CYTH3: variants seen among roughly 807,000 people sequenced by gnomAD.
CYTH3 encodes cytohesin 3.
In CYTH3, 23 loss-of-function variants were observed where a neutral mutation model predicts 55.1. The observed-to-expected ratio is 0.42, with a 90% confidence interval of 0.30 to 0.59. CYTH3 has a LOEUF of 0.59. Among genes scored for constraint, CYTH3 ranks in the 20% least tolerant of loss-of-function variants. CYTH3 has a pLI of 0.20. For missense variants in CYTH3, 413 were observed against 524.8 expected (o/e 0.79, Z 2.08); for synonymous variants, 249 against 194.9 (o/e 1.28, Z -2.31).
chr7:6,252,748 T>G (rs1218438585), intron 1 of CYTH3, among the ~76,000 whole-genome samples: 3 of 152,240 alleles, frequency 2.0e-5, no homozygotes, highest in African/African-American at 7.2e-5. Flanking sequence ...TAAGGTTTAG[T>G]CTTCATCCAA....
intron 5 of CYTH3, among the ~76,000 whole-genome samples, chr7:6,176,118 G>A (rs1783343618): frequency 6.6e-6 from 1 of 151,866 alleles, no homozygotes; most frequent in African/African-American, 2.4e-5. Context: ...ATGTTTTGTG[G>A]TTTTTGGAGT....
chr7:6,167,829 C>T lies in CYTH3; in HGVS notation c.824-2019G>A, dbSNP rs1207787085. ...CAAAGGACCTGTATGTTCCACTAGCCCACACACCTGGCCCCGCCTGGGAGG... is the reference window on the plus strand; with the variant it reads ...CAAAGGACCTGTATGTTCCACTAGCTCACACACCTGGCCCCGCCTGGGAGG... On this transcript the variant is annotated intron_variant, in intron 9 of 12. Transcript: ENST00000350796. This position sits in a 1 kb window ranked among gnomAD's most constrained non-coding sequence, Gnocchi z 5.5. 2.0e-5 allele frequency among the ~76,000 whole-genome samples: 3 copies of T among 152,254 alleles called. No individual in the cohort carries two copies. Among genetic ancestry groups the T allele is most frequent in the African/African-American group, 7.2e-5 (3 of 41,470 alleles).
intron 4 of CYTH3, among the ~76,000 whole-genome samples, chr7:6,185,296 C>T (rs1392111154): frequency 6.6e-6 from 1 of 152,144 alleles, no homozygotes; most frequent in Non-Finnish European, 1.5e-5. Context: ...TAAGAAAATC[C>T]AGACATGGCC....
At chr7:6,179,397 C>T (rs544486892) in intron 4 of CYTH3, among the ~76,000 whole-genome samples, 17 of 152,078 alleles carry the variant, frequency 1.1e-4, no homozygotes, top group East Asian at 5.8e-4. Context: ...TCTACAACTG[C>T]GGCTTGTTCT....
Position 6,177,925 on chromosome 7 carries a change from A to C in CYTH3, c.266T>G (p.Ile89Arg). The part of the protein sequence containing the change: ...MDPKKGIQFL[I>R]ENDLLQSSPE... ...GGAACTCTGTAGCAGGTCATTTTCTATTAGAAACTGAATTCCCTGAAGAAC... is the reference window on the plus strand; with the variant it reads ...GGAACTCTGTAGCAGGTCATTTTCTCTTAGAAACTGAATTCCCTGAAGAAC... The change falls in exon 5 of 13, where the codon ATA (isoleucine) becomes AGA (arginine). Residue 89 changes from isoleucine (I) to arginine (R), a missense_variant. Transcript: ENST00000350796. The C allele has an allele frequency of 6.2e-7, 1 of 1,613,864 alleles. No homozygotes were observed. Among genetic ancestry groups the C allele is most frequent in the Non-Finnish European group, 8.5e-7 (1 of 1,179,722 alleles).
At chr7:6,184,032 A>G (rs1057469264) in intron 4 of CYTH3, among the ~76,000 whole-genome samples, 8 of 118,334 alleles carry the variant, frequency 6.8e-5, no homozygotes, top group Middle Eastern at 4.8e-3. Flanking sequence ...TCCATTGTTT[A>G]CGCACCCCCT....
chr7:6,209,353 A>T (rs1784271671), intron 1 of CYTH3, among the ~76,000 whole-genome samples: 1 of 152,254 alleles, frequency 6.6e-6, no homozygotes, highest in South Asian at 2.1e-4. Context: ...GAATATGTTG[A>T]CCTCAGTCAT....
Position 6,265,243 on chromosome 7 carries a change from A to G in CYTH3, c.34+7231T>C, listed in dbSNP as rs768674913. Among the ~76,000 whole-genome samples, 33 of 112,452 alleles carry G rather than the reference A, an allele frequency of 2.9e-4. No homozygotes were observed. In the Middle Eastern group the frequency reaches 0.013, roughly 45 times the overall value. 73.8% of individuals were successfully genotyped at this position (112,452 alleles called of 152,430 possible). ...TTTTTTACATATTGAAAAGGTTATGAAAAAAAAAAAGACTTGTGACAGAGA... is the reference window on the plus strand; with the variant it reads ...TTTTTTACATATTGAAAAGGTTATGGAAAAAAAAAAGACTTGTGACAGAGA... On this transcript the variant is annotated intron_variant, in intron 1 of 12. Transcript: ENST00000350796.
intron 1 of CYTH3, among the ~76,000 whole-genome samples, chr7:6,230,054 A>C (rs1779350101): frequency 6.7e-6 from 1 of 150,244 alleles, no homozygotes; most frequent in Admixed American, 6.6e-5. Context: ...GAATCGCTTG[A>C]TCCTGGGAGG....
intron 1 of CYTH3, among the ~76,000 whole-genome samples, chr7:6,216,645 G>A (rs1171088728): frequency 6.6e-6 from 1 of 151,976 alleles, no homozygotes; most frequent in Admixed American, 6.6e-5. Flanking sequence ...GGAGGCTGAG[G>A]TGGGAGGATT....
intron 1 of CYTH3, among the ~76,000 whole-genome samples, chr7:6,247,749 G>C (rs567475255): frequency 9.2e-5 from 14 of 152,096 alleles, no homozygotes; most frequent in African/African-American, 3.4e-4. Flanking sequence ...GGGCTCAAGC[G>C]ATCCTCCCAC....
chr7:6,197,703 T>A lies in CYTH3; in HGVS notation c.35-7172A>T, dbSNP rs767081408. Among the ~76,000 whole-genome samples the A allele has an allele frequency of 4.6e-5, 7 of 152,168 alleles. No individual in the cohort carries two copies. The South Asian group carries it at 1.5e-3, about 32-fold the overall frequency. On this transcript the variant is annotated intron_variant, in intron 1 of 12. Transcript: ENST00000350796. Reference sequence around the variant, plus strand: ...TGCCTCAAAGAGGGAAAAAAAAGAATTGAGCAAAATTATAACAATTATTAA... The same window carrying A: ...TGCCTCAAAGAGGGAAAAAAAAGAAATGAGCAAAATTATAACAATTATTAA...
At chr7:6,194,812 T>C (rs1783882428) in intron 1 of CYTH3, among the ~76,000 whole-genome samples, 1 of 151,984 alleles carries the variant, frequency 6.6e-6, no homozygotes, top group Non-Finnish European at 1.5e-5. Flanking sequence ...GCATCTCTAC[T>C]AAAAATACAA....
At chr7:6,220,673 G>A (rs368469756) in intron 1 of CYTH3, among the ~76,000 whole-genome samples, 23 of 151,390 alleles carry the variant, frequency 1.5e-4, no homozygotes, top group Admixed American at 5.3e-4. Flanking sequence ...ATAGCCCTCC[G>A]GAAAACAATT....
intron 1 of CYTH3, among the ~76,000 whole-genome samples, chr7:6,203,395 C>T (rs1157396678): frequency 1.3e-5 from 2 of 152,132 alleles, no homozygotes; most frequent in African/African-American, 4.8e-5. Context: ...ACTGCTACTC[C>T]TTAACGTTTC....
chr7:6,255,365 G>A (rs1037350122), intron 1 of CYTH3, among the ~76,000 whole-genome samples: 7 of 152,142 alleles, frequency 4.6e-5, no homozygotes, highest in East Asian at 1.9e-4. Context: ...GGAATTACCC[G>A]AAATATCCTC....
intron 1 of CYTH3, among the ~76,000 whole-genome samples, chr7:6,231,308 G>A (rs1779386348): frequency 6.6e-6 from 1 of 152,234 alleles, no homozygotes; most frequent in Non-Finnish European, 1.5e-5. Context: ...AAGAGGAGTT[G>A]GCCAGACCAA....
At chr7:6,175,596 G>A (rs115402836) in intron 5 of CYTH3, among the ~76,000 whole-genome samples, 1 of 130,176 alleles carries the variant, frequency 7.7e-6, no homozygotes, top group African/African-American at 3.1e-5. Flanking sequence ...TACCCAGGCT[G>A]GAGTCCAATA....
At chr7:6,204,993 C>T (rs1784151930) in intron 1 of CYTH3, among the ~76,000 whole-genome samples, 1 of 152,046 alleles carries the variant, frequency 6.6e-6, no homozygotes, top group Non-Finnish European at 1.5e-5. Context: ...GGCGAAGACC[C>T]TGTCTCTATT....
Sources: allele counts gnomAD v4.1 joint callset (sites outside exome capture counted in the v4.1 genomes callset), GRCh38; gene constraint gnomAD v4.1.1; non-coding constraint Gnocchi (gnomAD v3.1); transcripts MANE v1.5; gene names NCBI Gene and HGNC (gene_info 2026-07-23, HGNC 2026-07-21).